The following MYO1B variants were observed in gnomAD, a reference collection of about 807,000 sequenced individuals.
MYO1B encodes myosin IB.
In MYO1B, 72 loss-of-function variants were observed where a neutral mutation model predicts 159.7. The ratio of observed to expected loss-of-function variants is 0.45; its 90% CI spans 0.37 to 0.55. The LOEUF is 0.55. MYO1B is among the 20% of genes least tolerant of loss of function. The pLI is 0.00. For missense variants in MYO1B, 1,062 were observed against 1,364.8 expected (o/e 0.78, Z 3.50); for synonymous variants, 468 against 473.8 (o/e 0.99, Z 0.16).
intron 18 of MYO1B, 83 bp from the exon 19 acceptor site, chr2:191,392,025 C>T: frequency 1.1e-6 from 1 of 900,182 alleles, no homozygotes; most frequent in Non-Finnish European, 1.7e-6. Flanking sequence ...TGTTTTATAC[C>T]ACTGAGAACC....
chr2:191,295,935 C>T (rs184595933), intron 2 of MYO1B, among the ~76,000 whole-genome samples, 176 bp from the exon 3 acceptor site: 1 of 152,176 alleles, frequency 6.6e-6, no homozygotes, highest in East Asian at 1.9e-4. Context: ...ACTAAATAGA[C>T]ATTGTTGACC....
chr2:191,355,859 A>G lies in MYO1B; in HGVS notation c.563-4772A>G, dbSNP rs114193319. ...AAAGGAAATGGCCACCCTCCTCACA[A>G]TGGAGATGGAGGATGGAACAGATTA... is the stretch of plus-strand genomic sequence containing the variant. On this transcript the variant is annotated intron_variant, in intron 7 of 30. Transcript: ENST00000392318. Among the ~76,000 whole-genome samples the G allele has an allele frequency of 3.8e-3, 577 of 152,304 alleles. 3 individuals carry two copies. Among genetic ancestry groups the G allele is most frequent in the Middle Eastern group, 6.8e-3 (2 of 294 alleles).
chr2:191,275,209 G>A (rs1295460715), intron 1 of MYO1B, among the ~76,000 whole-genome samples: 1 of 152,104 alleles, frequency 6.6e-6, no homozygotes, highest in Non-Finnish European at 1.5e-5. Flanking sequence ...TGGCCTATCT[G>A]GGACTTTTTG....
intron 21 of MYO1B, among the ~76,000 whole-genome samples, chr2:191,398,566 G>A (rs1472306719): frequency 6.6e-6 from 1 of 151,402 alleles, no homozygotes; most frequent in Non-Finnish European, 1.5e-5. Flanking sequence ...CGGCCGGGCA[G>A]AGACGCTCCT....
rs6733420 is a variant in MYO1B, at chr2:191,253,748, A to G, written c.-10+8122A>G. 5.0e-3 allele frequency among the ~76,000 whole-genome samples: 759 copies of G among 152,286 alleles called. 4 individuals carry two copies. Among genetic ancestry groups the G allele is most frequent in the African/African-American group, 0.017 (716 of 41,548 alleles). On this transcript the variant is annotated intron_variant, in intron 1 of 30. Transcript: ENST00000392318. The stretch of plus-strand genomic sequence containing the variant: ...TTTCCCCCCACAGGTTAGCTTGCAC[A>G]TATGTTCAACAAGCTTGTTGCTTGT...
Position 191,283,991 on chromosome 2 carries a change from G to A in MYO1B, c.135+6961G>A, listed in dbSNP as rs139490686. Among the ~76,000 whole-genome samples, 64 of 152,320 alleles carry A rather than the reference G, an allele frequency of 4.2e-4. No homozygotes were observed. The East Asian group carries it at 5.2e-3, about 12-fold the overall frequency. On this transcript the variant is annotated intron_variant, in intron 2 of 30. Transcript: ENST00000392318. ...GACATTCATTTCTAAAGTCATAGGT[G>A]ATCATTACATGGTGCTCTCAATTCA...
intron 3 of MYO1B, among the ~76,000 whole-genome samples, chr2:191,306,261 G>A (rs898098536): frequency 6.6e-6 from 1 of 152,148 alleles, no homozygotes; most frequent in Non-Finnish European, 1.5e-5. Flanking sequence ...GACGTGATGT[G>A]TTGAGAGAAG....
At chr2:191,389,575 A>T (rs1241888390) in intron 17 of MYO1B, among the ~76,000 whole-genome samples, 1 of 152,158 alleles carries the variant, frequency 6.6e-6, no homozygotes, top group African/African-American at 2.4e-5. Flanking sequence ...AAGAACACTG[A>T]CTAGAGGCTG....
At chr2:191,294,607 T>C (rs776712879) in intron 2 of MYO1B, among the ~76,000 whole-genome samples, 35 of 152,294 alleles carry the variant, frequency 2.3e-4, no homozygotes, top group Non-Finnish European at 4.7e-4. Flanking sequence ...CCAGAAAACC[T>C]TGAGAAAGTT....
At chr2:191,370,561 C>T (rs1398723042) in intron 13 of MYO1B, among the ~76,000 whole-genome samples, 2 of 151,868 alleles carry the variant, frequency 1.3e-5, no homozygotes, top group Non-Finnish European at 2.9e-5. Flanking sequence ...ATTTTGGAGA[C>T]AGTACTGCTT....
At chr2:191,267,158 C>G (rs1415433217) in intron 1 of MYO1B, among the ~76,000 whole-genome samples, 1 of 152,088 alleles carries the variant, frequency 6.6e-6, no homozygotes, top group Non-Finnish European at 1.5e-5. Context: ...GAATTAATAG[C>G]CCCTCCCACT....
intron 23 of MYO1B, among the ~76,000 whole-genome samples, chr2:191,401,288 A>AT (rs969427788): frequency 5.3e-5 from 8 of 151,478 alleles, no homozygotes; most frequent in Non-Finnish European, 7.4e-5. Flanking sequence ...TATGAATGAA[A>AT]TTTTTTTTTA....
At chr2:191,398,953 C>G (rs1386298049) in intron 21 of MYO1B, among the ~76,000 whole-genome samples, 1 of 152,222 alleles carries the variant, frequency 6.6e-6, no homozygotes, top group African/African-American at 2.4e-5. Flanking sequence ...GAGATCACGC[C>G]ACTGCACTCC....
chr2:191,360,587 G>A lies in MYO1B; in HGVS notation c.563-44G>A, dbSNP rs201428041. On this transcript the variant is annotated intron_variant, in intron 7 of 30. Coordinates refer to ENST00000392318, the MANE Select transcript of MYO1B (RefSeq NM_001130158.3). ...AAGGAAAAAAAGCATGGTGGATTTGGAAGTGAAACAAATGCCATACTATGA... is the reference window on the plus strand; with the variant it reads ...AAGGAAAAAAAGCATGGTGGATTTGAAAGTGAAACAAATGCCATACTATGA... 1.7e-4 allele frequency: 203 copies of A among 1,211,300 alleles called. 1 individual carries two copies. Among genetic ancestry groups the A allele is most frequent in the Non-Finnish European group, 2.0e-4 (164 of 839,400 alleles). 75.0% of individuals were successfully genotyped at this position (1,211,300 alleles called of 1,614,324 possible). A position where few individuals can be genotyped will look rare whatever the true frequency, so the allele number is the denominator to read the frequency against.
chr2:191,407,477 C>T (rs1480452786), intron 24 of MYO1B, among the ~76,000 whole-genome samples: 1 of 152,012 alleles, frequency 6.6e-6, no homozygotes, highest in Non-Finnish European at 1.5e-5. Flanking sequence ...ATTTGTTAGA[C>T]ATTAGTATAT....
chr2:191,422,095 GA>G (rs1697975808), intron 30 of MYO1B, among the ~76,000 whole-genome samples: 1 of 152,166 alleles, frequency 6.6e-6, no homozygotes, highest in Non-Finnish European at 1.5e-5. Context: ...GAAACTAATG[GA>G]TACAGAGCAG....
chr2:191,263,356 A>C (rs1304172386), intron 1 of MYO1B: 1 of 984,560 alleles, frequency 1.0e-6, no homozygotes. Context: ...TGCTAGTTAA[A>C]TCAGTGGAAA....
At chr2:191,414,443 A>G in intron 28 of MYO1B, 74 bp from the exon 29 acceptor site, 3 of 1,381,978 alleles carry the variant, frequency 2.2e-6, no homozygotes, top group Non-Finnish European at 2.9e-6. Flanking sequence ...TTTTGCAAAT[A>G]ATGCCTTAAA....
At chr2:191,303,833 C>T (rs765231999) in intron 3 of MYO1B, among the ~76,000 whole-genome samples, 1 of 152,200 alleles carries the variant, frequency 6.6e-6, no homozygotes, top group African/African-American at 2.4e-5. Flanking sequence ...CTCAGATCTA[C>T]GCAAGTAGCT....
Sources: gnomAD v4.1 joint callset for allele counts (sites outside exome capture counted in the v4.1 genomes callset) on GRCh38, gnomAD v4.1.1 for gene constraint, MANE v1.5 for transcripts, NCBI Gene and HGNC (gene_info 2026-07-23, HGNC 2026-07-21) for gene names.